Variants in DMD observed in about 807,000 individuals in gnomAD.
DMD encodes mutant dystrophin.
In DMD, 63 loss-of-function variants were observed where a neutral mutation model predicts 330.1. The ratio of observed to expected loss-of-function variants is 0.19; its 90% CI spans 0.16 to 0.24. The LOEUF (loss-of-function observed/expected upper bound fraction) is 0.24, where lower values mean the gene tolerates loss of function less well. Ranked by LOEUF, DMD falls within the 10% of genes least tolerant of loss-of-function variation. The pLI is 1.00. For missense variants in DMD, 3,344 were observed against 2,684.1 expected (o/e 1.25, Z -5.43); for synonymous variants, 1,223 against 959.8 (o/e 1.27, Z -5.07).
At chrX:32,880,546 AATTGCTTTTG>A (rs1333395281) in intron 2 of DMD, among the ~76,000 whole-genome samples, 2 of 111,886 alleles carry the variant, frequency 1.8e-5, no homozygotes, top group Non-Finnish European at 3.8e-5. Flanking sequence ...ATAGTCTTGT[AATTGCTTTTG>A]ATTGCTTTTG....
chrX:32,309,089 T>C (rs182322728), intron 42 of DMD, among the ~76,000 whole-genome samples: 77 of 111,507 alleles, frequency 6.9e-4, no homozygotes, highest in Non-Finnish European at 1.2e-3. Context: ...GCTCTTATTT[T>C]ACTGTGTAAT....
At chrX:31,804,619 T>C (rs2092224497) in intron 50 of DMD, among the ~76,000 whole-genome samples, 1 of 111,838 alleles carries the variant, frequency 8.9e-6, no homozygotes, top group Non-Finnish European at 1.9e-5. Flanking sequence ...TTTGCGAACA[T>C]GCATGCATTT....
chrX:31,504,129 A>C (rs1185224452), intron 56 of DMD, among the ~76,000 whole-genome samples: 1 of 111,690 alleles, frequency 9.0e-6, no homozygotes, highest in African/African-American at 3.2e-5. Context: ...TTTGAACAAA[A>C]GAGTAATATG....
intron 2 of DMD, among the ~76,000 whole-genome samples, chrX:32,980,346 G>T (rs2092672781): frequency 1.1e-5 from 1 of 87,069 alleles, no homozygotes; most frequent in Admixed American, 1.4e-4. Context: ...TCCTGCTTGG[G>T]CGACAGAGCC....
intron 18 of DMD, chrX:32,517,491 T>A (rs1261635699): frequency 8.8e-6 from 1 of 113,282 alleles, no homozygotes; most frequent in African/African-American, 3.2e-5. Context: ...GCTGGACACC[T>A]TTTAGATAAG....
intron 44 of DMD, among the ~76,000 whole-genome samples, chrX:32,172,913 T>C (rs919838155): frequency 1.8e-5 from 2 of 111,781 alleles, no homozygotes; most frequent in African/African-American, 6.5e-5. Flanking sequence ...TCAAAGATCA[T>C]AGAGGTATCT....
At chrX:32,887,488 G>A (rs1213814911) in intron 2 of DMD, among the ~76,000 whole-genome samples, 1 of 108,095 alleles carries the variant, frequency 9.3e-6, no homozygotes, top group African/African-American at 3.4e-5. Context: ...GGTGGCTCAT[G>A]CCTGTAATCC....
rs181248529 is a variant in DMD, at chrX:32,716,046, A to G, written c.650-16753T>C. Reference sequence around the variant, plus strand: ...CAAATAATTTATCTTGTGCTTTCCAATATATATTTCATGTAACTTTCTCTC... The same window carrying G: ...CAAATAATTTATCTTGTGCTTTCCAGTATATATTTCATGTAACTTTCTCTC... On this transcript the variant is annotated intron_variant, in intron 7 of 78. Transcript: ENST00000357033. Among the ~76,000 whole-genome samples the G allele has an allele frequency of 3.5e-3, 387 of 111,676 alleles. 3 individuals are homozygous for G. Among genetic ancestry groups the G allele is most frequent in the African/African-American group, 0.012 (359 of 30,774 alleles).
At chrX:32,521,337 G>A (rs1156989690) in intron 17 of DMD, among the ~76,000 whole-genome samples, 1 of 111,532 alleles carries the variant, frequency 9.0e-6, no homozygotes, top group African/African-American at 3.3e-5. Context: ...CATACTATCC[G>A]TTTGTAATTT....
intron 6 of DMD, among the ~76,000 whole-genome samples, chrX:32,815,516 T>TACAC (rs1231062329): frequency 7.0e-4 from 33 of 47,301 alleles, no homozygotes; most frequent in African/African-American, 2.1e-3. Context: ...TATATATATA[T>TACAC]ATATACACAC....
In DMD at chrX:32,129,815, C is replaced by T. The variant is rs181222019; in HGVS notation, c.6438+87101G>A. ...AGATTTTTTCCTTGGCTTCTGATTTCGAGGCCAACGAGTTTGGGTCATTTT... is the reference window on the plus strand; with the variant it reads ...AGATTTTTTCCTTGGCTTCTGATTTTGAGGCCAACGAGTTTGGGTCATTTT... On this transcript the variant is annotated intron_variant, in intron 44 of 78. Coordinates refer to ENST00000357033, the MANE Select transcript of DMD (RefSeq NM_004006.3). 9.2e-5 allele frequency among the ~76,000 whole-genome samples: 10 copies of T among 108,529 alleles called. No individual in the cohort carries two copies. The East Asian group carries it at 1.2e-3, about 13-fold the overall frequency. The allele number at this position is 108,529 out of a possible 115,157, so 94.2% of individuals were successfully genotyped here. A position where few individuals can be genotyped will look rare whatever the true frequency, so the allele number is the denominator to read the frequency against.
chrX:32,460,099 A>G (rs2098377930), intron 25 of DMD, among the ~76,000 whole-genome samples: 1 of 108,257 alleles, frequency 9.2e-6, no homozygotes. Flanking sequence ...GAAGAAAAAA[A>G]TGGCCAATTA....
At chrX:31,400,109 A>T (rs1358467938) in intron 60 of DMD, among the ~76,000 whole-genome samples, 6 of 111,663 alleles carry the variant, frequency 5.4e-5, no homozygotes, top group Non-Finnish European at 1.1e-4. Context: ...GCTTATATTG[A>T]AAGTGTGAAA....
chrX:32,411,269 T>C lies in DMD; in HGVS notation c.4233+483A>G, dbSNP rs796100833. 8.1e-5 allele frequency among the ~76,000 whole-genome samples: 9 copies of C among 111,097 alleles called. 1 individual carries two copies. The South Asian group carries it at 2.3e-3, about 28-fold the overall frequency. On this transcript the variant is annotated intron_variant, in intron 30 of 78. Coordinates refer to ENST00000357033, the MANE Select transcript of DMD (RefSeq NM_004006.3). ...CCTCAGCCTCCCGAGTAGCTGGGAT[T>C]ACAGGCGCGTGCCAACAAACCTGGC...
At chrX:32,408,837 C>T (rs1329884683) in intron 30 of DMD, among the ~76,000 whole-genome samples, 2 of 110,591 alleles carry the variant, frequency 1.8e-5, no homozygotes, top group East Asian at 5.7e-4. Flanking sequence ...AAGTTAGTCC[C>T]TATTCTATTC....
chrX:32,805,222 G>A (rs1448376537), intron 7 of DMD, among the ~76,000 whole-genome samples: 2 of 111,778 alleles, frequency 1.8e-5, no homozygotes, highest in Non-Finnish European at 3.8e-5. Flanking sequence ...TTGAAAAAAG[G>A]TTAGAGGAGT....
intron 4 of DMD, among the ~76,000 whole-genome samples, chrX:32,823,630 T>C (rs1440660165): frequency 1.8e-5 from 2 of 111,567 alleles, no homozygotes; most frequent in African/African-American, 6.5e-5. Context: ...ATTAAAGAGG[T>C]CAACTGGAGT....
At chrX:31,979,660 A>T (rs2095463207) in intron 44 of DMD, among the ~76,000 whole-genome samples, 1 of 112,331 alleles carries the variant, frequency 8.9e-6, no homozygotes, top group African/African-American at 3.2e-5. Context: ...GAAGCTGGTC[A>T]AAGACAATTC....
At chrX:31,818,743 C>CAA (rs61081476) in intron 50 of DMD, among the ~76,000 whole-genome samples, 1 of 95,346 alleles carries the variant, frequency 1.0e-5, no homozygotes, top group Non-Finnish European at 2.1e-5. Context: ...CCCAGATTGA[C>CAA]AAAAAAAAAA....
Sources: gnomAD v4.1 joint callset for allele counts (sites outside exome capture counted in the v4.1 genomes callset) on GRCh38, gnomAD v4.1.1 for gene constraint, MANE v1.5 for transcripts, NCBI Gene and HGNC (gene_info 2026-07-23, HGNC 2026-07-21) for gene names.